EDN1: variants seen among roughly 807,000 people sequenced by gnomAD.
EDN1 encodes endothelin 1, also known as endothelin-1.
A neutral mutation model predicts 21.7 loss-of-function variants in EDN1; 11 were observed. The ratio of observed to expected loss-of-function variants is 0.51; its 90% confidence interval spans 0.32 to 0.84. The LOEUF is 0.84. Ranked by LOEUF, EDN1 falls within the 40% of genes least tolerant of loss-of-function variation. The pLI, the probability that EDN1 is intolerant of heterozygous loss-of-function variation, is 0.03. For synonymous variants in EDN1, 85 were observed against 90.6 expected (o/e 0.94, Z 0.35); for missense variants, 244 against 262.3 (o/e 0.93, Z 0.48).
the EDN1 span, among the ~76,000 whole-genome samples, chr6:12,279,256 G>A: frequency 6.6e-6 from 1 of 152,134 alleles, no homozygotes; most frequent in South Asian, 2.1e-4. Context: ...TAAGTCCAGT[G>A]TTCTTTTTCC....
the EDN1 span, among the ~76,000 whole-genome samples, chr6:12,283,462 G>A: frequency 6.6e-5 from 10 of 152,210 alleles, no homozygotes; most frequent in African/African-American, 2.4e-4. Flanking sequence ...TTTGCAAAAT[G>A]TGGAGTTGGA....
intron 1 of EDN1, among the ~76,000 whole-genome samples, chr6:12,291,102 G>T (rs1310351385): frequency 1.3e-5 from 2 of 152,028 alleles, no homozygotes. Context: ...GTGTGTTAAC[G>T]TGTAAAATAT....
At chr6:12,235,274 T>G in the EDN1 span, among the ~76,000 whole-genome samples, 1 of 152,188 alleles carries the variant, frequency 6.6e-6, no homozygotes, top group Non-Finnish European at 1.5e-5. Flanking sequence ...TCCGTTTCCT[T>G]AGAAAGTCTG....
chr6:12,291,400 C>A (rs1010722365), intron 1 of EDN1, among the ~76,000 whole-genome samples: 6 of 152,118 alleles, frequency 3.9e-5, no homozygotes, highest in African/African-American at 1.4e-4. Flanking sequence ...TTCTTGGCTG[C>A]CGAAGGATTT....
the EDN1 span, among the ~76,000 whole-genome samples, chr6:12,231,316 A>G: frequency 6.6e-6 from 1 of 152,186 alleles, no homozygotes; most frequent in African/African-American, 2.4e-5. Flanking sequence ...CTGCAATTCA[A>G]CGAATCAAAA....
At chr6:12,266,352 G>A in the EDN1 span, among the ~76,000 whole-genome samples, 1 of 152,122 alleles carries the variant, frequency 6.6e-6, no homozygotes, top group Non-Finnish European at 1.5e-5. Flanking sequence ...TCAGGTGTGG[G>A]CAAAAAGAGT....
chr6:12,233,500 A>G, the EDN1 span, among the ~76,000 whole-genome samples: 2 of 152,224 alleles, frequency 1.3e-5, no homozygotes, highest in Non-Finnish European at 2.9e-5. Flanking sequence ...TCTGTCAATA[A>G]TAACTGCAAA....
chr6:12,293,674 G>C (rs1561694712), intron 2 of EDN1, among the ~76,000 whole-genome samples: 1 of 152,218 alleles, frequency 6.6e-6, no homozygotes, highest in African/African-American at 2.4e-5. Flanking sequence ...AATGTTGCTT[G>C]TGTCAAGAAG....
chr6:12,292,201 T>C, intron 1 of EDN1, 140 bp from the exon 2 acceptor site: 1 of 1,246,962 alleles, frequency 8.0e-7, no homozygotes, highest in Non-Finnish European at 1.2e-6. Context: ...AGAGCCCTTT[T>C]TTCTGTGTTT....
chr6:12,244,669 A>G, the EDN1 span, among the ~76,000 whole-genome samples: 1 of 152,218 alleles, frequency 6.6e-6, no homozygotes, highest in African/African-American at 2.4e-5. Flanking sequence ...GTGTGTAAGT[A>G]TTAGAGTATA....
At chr6:12,285,592 A>T (rs1405154649), upstream of EDN1, among the ~76,000 whole-genome samples, 1 of 152,108 alleles carries the variant, frequency 6.6e-6, no homozygotes, top group Admixed American at 6.5e-5. Flanking sequence ...TTTTATTTAG[A>T]TGGAGTTTCA....
At chr6:12,249,605 A>T in the EDN1 span, among the ~76,000 whole-genome samples, 1 of 151,676 alleles carries the variant, frequency 6.6e-6, no homozygotes, top group Non-Finnish European at 1.5e-5. Context: ...ACACAGCTCC[A>T]TTGTAAATAG....
chr6:12,252,424 G>A, the EDN1 span, among the ~76,000 whole-genome samples: 1 of 152,146 alleles, frequency 6.6e-6, no homozygotes, highest in East Asian at 1.9e-4. Context: ...AAAAATTTAG[G>A]TTCCATTTCT....
chr6:12,236,356 C>G, the EDN1 span, among the ~76,000 whole-genome samples: 11 of 151,970 alleles, frequency 7.2e-5, no homozygotes, highest in Non-Finnish European at 1.6e-4. Flanking sequence ...CTCTCAGGTT[C>G]CAGTGATTCT....
At chr6:12,295,941 T>G (rs1187871227) in intron 4 of EDN1, 21 bp from the exon 5 acceptor site, 1 of 1,610,394 alleles carries the variant, frequency 6.2e-7, no homozygotes, top group Admixed American at 1.7e-5. Context: ...ACATTTGTTT[T>G]CTCTTATCTT....
At chr6:12,274,372 G>C in the EDN1 span, among the ~76,000 whole-genome samples, 1 of 152,188 alleles carries the variant, frequency 6.6e-6, no homozygotes, top group Non-Finnish European at 1.5e-5. Flanking sequence ...TTGAATATTA[G>C]TGCAGAGCCC....
In EDN1 at chr6:12,296,055, A is replaced by C; in HGVS notation, c.627A>C (p.Arg209=). ...GAGAGCGTTATGTGACCCACAACCG[A>C]GCACATTGGTGACAGACCTTCGGGG... ...PSRERYVTHN[R]AHW is the part of the protein sequence containing the mutation. Residue 209 remains arginine, a synonymous_variant, in exon 5 of 5, where the codon CGA becomes CGC. Coordinates refer to ENST00000379375, the MANE Select transcript of EDN1 (RefSeq NM_001955.5). The C allele has an allele frequency of 1.2e-6, 2 of 1,614,004 alleles. No homozygotes were observed. Among genetic ancestry groups the C allele is most frequent in the Non-Finnish European group, 1.7e-6 (2 of 1,179,926 alleles).
chr6:12,241,476 A>T, the EDN1 span, among the ~76,000 whole-genome samples: 1 of 151,858 alleles, frequency 6.6e-6, no homozygotes, highest in East Asian at 1.9e-4. Flanking sequence ...ATCTTTGGAG[A>T]TCTTGGTGGG....
At position 12,296,077 on chromosome 6, in the gene EDN1, G is replaced by C; in HGVS notation, c.*10G>C. 1 of 1,611,170 alleles carries C rather than the reference G, an allele frequency of 6.2e-7. No homozygotes were observed. Among genetic ancestry groups the C allele is most frequent in the Non-Finnish European group, 8.5e-7 (1 of 1,177,494 alleles). ...CCGAGCACATTGGTGACAGACCTTC[G>C]GGGCCTGTCTGAAGCCATAGCCTCC... is the stretch of plus-strand genomic sequence containing the variant. On this transcript the variant is annotated 3_prime_UTR_variant, in exon 5 of 5. Coordinates refer to ENST00000379375, the MANE Select transcript of EDN1 (RefSeq NM_001955.5).
Sources: allele counts gnomAD v4.1 joint callset (sites outside exome capture counted in the v4.1 genomes callset), GRCh38; gene constraint gnomAD v4.1.1; transcripts MANE v1.5; gene names NCBI Gene and HGNC (gene_info 2026-07-23, HGNC 2026-07-21).